The following SGCD variants were observed in gnomAD, a reference collection of about 807,000 sequenced individuals.
The protein encoded by SGCD is sarcoglycan delta, also known as delta-sarcoglycan.
A neutral mutation model predicts 36.6 loss-of-function variants in SGCD; 18 were observed. That is an observed-to-expected ratio of 0.49 (90% CI 0.34 to 0.73). The LOEUF (loss-of-function observed/expected upper bound fraction) is 0.73, where lower values mean the gene tolerates loss of function less well. Ranked by LOEUF, SGCD falls within the 30% of genes least tolerant of loss-of-function variation. The probability of loss-of-function intolerance (pLI) is 0.01; values close to 1 mark genes in which losing one functional copy is unlikely to be tolerated. For synonymous variants in SGCD, 133 were observed against 130.6 expected (o/e 1.02, Z -0.12); for missense variants, 387 against 346.7 (o/e 1.12, Z -0.92).
At chr5:156,729,258 G>A (rs912425363) in intron 7 of SGCD, among the ~76,000 whole-genome samples, 8 of 152,130 alleles carry the variant, frequency 5.3e-5, no homozygotes, top group East Asian at 1.9e-4. Context: ...AATTACATGC[G>A]AAGCTTTCCT....
intron 3 of SGCD, among the ~76,000 whole-genome samples, chr5:156,204,468 A>G (rs1249722005): frequency 9.3e-6 from 1 of 107,862 alleles, no homozygotes; most frequent in Non-Finnish European, 1.9e-5. Flanking sequence ...TAGCCAACAC[A>G]CTCATACACA....
chr5:156,409,502 C>T (rs1471173882), intron 3 of SGCD, among the ~76,000 whole-genome samples: 2 of 152,224 alleles, frequency 1.3e-5, no homozygotes, highest in Non-Finnish European at 2.9e-5. Context: ...AATCCCCGGG[C>T]CCGGCTGGGC....
chr5:155,733,611 G>T, the SGCD span, among the ~76,000 whole-genome samples: 2 of 150,970 alleles, frequency 1.3e-5, no homozygotes, highest in Non-Finnish European at 3.0e-5. Context: ...ATTTTTAAAG[G>T]GCTTCATTAA....
At chr5:156,536,573 TC>T (rs1272236658) in intron 4 of SGCD, among the ~76,000 whole-genome samples, 2 of 151,020 alleles carry the variant, frequency 1.3e-5, no homozygotes, top group Admixed American at 1.3e-4. Flanking sequence ...TCATCACTGA[TC>T]CTTTAAGCTT....
chr5:155,844,502 G>A, the SGCD span, among the ~76,000 whole-genome samples: 3 of 150,628 alleles, frequency 2.0e-5, no homozygotes, highest in Non-Finnish European at 2.9e-5. Context: ...GGTGACTCAG[G>A]GATATTAGAA....
At chr5:155,774,386 CTTG>C in the SGCD span, among the ~76,000 whole-genome samples, 2 of 152,116 alleles carry the variant, frequency 1.3e-5, no homozygotes, top group Non-Finnish European at 2.9e-5. Flanking sequence ...TCCCTTTGTC[CTTG>C]TTGTGGTTTC....
chr5:156,634,117 C>T (rs554847121), intron 6 of SGCD, among the ~76,000 whole-genome samples: 1 of 152,318 alleles, frequency 6.6e-6, no homozygotes, highest in African/African-American at 2.4e-5. Flanking sequence ...TCTCTCCTCT[C>T]TTCCCCACAG....
intron 3 of SGCD, among the ~76,000 whole-genome samples, chr5:156,185,988 T>C (rs913796312): frequency 2.0e-5 from 3 of 148,956 alleles, no homozygotes; most frequent in Non-Finnish European, 4.5e-5. Flanking sequence ...AGATCTGTGA[T>C]CGGAATAACG....
At chr5:156,040,131 C>A (rs1178283858) in intron 1 of SGCD, among the ~76,000 whole-genome samples, 7 of 152,164 alleles carry the variant, frequency 4.6e-5, no homozygotes, top group African/African-American at 1.7e-4. Context: ...GAGGTAAGCG[C>A]TGTATAAATA....
At chr5:156,016,108 G>A (rs1176818674) in intron 1 of SGCD, among the ~76,000 whole-genome samples, 2 of 152,002 alleles carry the variant, frequency 1.3e-5, no homozygotes, top group Non-Finnish European at 2.9e-5. Flanking sequence ...CCCAACATCA[G>A]CACATTTACT....
intron 4 of SGCD, among the ~76,000 whole-genome samples, chr5:156,525,081 TG>T (rs1339693643): frequency 6.6e-6 from 1 of 152,134 alleles, no homozygotes; most frequent in Admixed American, 6.6e-5. Context: ...CTGTTGGATA[TG>T]TACCCAGAAG....
At chr5:156,633,406 A>G (rs964155316) in intron 6 of SGCD, among the ~76,000 whole-genome samples, 4 of 152,172 alleles carry the variant, frequency 2.6e-5, no homozygotes, top group African/African-American at 7.2e-5. Context: ...TTCTTGATGA[A>G]GAGATTGATG....
At position 156,657,231 on chromosome 5, in the gene SGCD, C is replaced by T. The variant is rs190446269; in HGVS notation, c.575+9695C>T. Among the ~76,000 whole-genome samples the T allele has an allele frequency of 3.8e-3, 558 of 148,574 alleles. 7 individuals are homozygous for T. Among genetic ancestry groups the T allele is most frequent in the African/African-American group, 0.012 (484 of 40,514 alleles). On this transcript the variant is annotated intron_variant, in intron 7 of 8. Transcript: ENST00000337851. ...ATAAATAGTCTGACTTTTTTTTTTT[C>T]CTCTCTCTTTTATTTTATTTTATTA...
chr5:155,979,980 C>A (rs144118597), intron 1 of SGCD, among the ~76,000 whole-genome samples: 1 of 152,060 alleles, frequency 6.6e-6, no homozygotes, highest in East Asian at 1.9e-4. Context: ...GAGGGTTCCA[C>A]CTTCATGACC....
the SGCD span, among the ~76,000 whole-genome samples, chr5:155,734,167 A>G: frequency 6.8e-5 from 10 of 147,498 alleles, no homozygotes; most frequent in Non-Finnish European, 1.3e-4. Context: ...CTGTTATTAT[A>G]TTAATTAATA....
chr5:156,101,784 T>C (rs1761521964), intron 1 of SGCD, among the ~76,000 whole-genome samples: 1 of 152,144 alleles, frequency 6.6e-6, no homozygotes. Context: ...AGATAGAAAA[T>C]GTAATGGATA....
intron 7 of SGCD, among the ~76,000 whole-genome samples, chr5:156,681,890 G>A (rs1343093460): frequency 1.3e-5 from 2 of 152,198 alleles, no homozygotes; most frequent in African/African-American, 4.8e-5. Context: ...TCTAAAAATG[G>A]TTTATGTCAA....
chr5:156,520,860 A>G (rs1321688839), intron 4 of SGCD, among the ~76,000 whole-genome samples: 1 of 152,016 alleles, frequency 6.6e-6, no homozygotes, highest in Non-Finnish European at 1.5e-5. Flanking sequence ...TACTAAAAAT[A>G]CAAAAAAATA....
At position 156,086,222 on chromosome 5, in the gene SGCD, T is replaced by A. The variant is rs148474114; in HGVS notation, c.-281-31656T>A. 2.5e-3 allele frequency among the ~76,000 whole-genome samples: 388 copies of A among 152,368 alleles called. 2 individuals are homozygous for A. The highest frequency in any genetic ancestry group is 3.9e-3 in the Non-Finnish European group (263 of 68,038). On this transcript the variant is annotated intron_variant, in intron 1 of 9. Transcript: ENST00000517913. ...TTTTAAAAAATAATCAAATATGATG[T>A]ATACAATTTTGGGAAAAGGATAGTC...
Sources: gnomAD v4.1 joint callset for allele counts (sites outside exome capture counted in the v4.1 genomes callset) on GRCh38, gnomAD v4.1.1 for gene constraint, MANE v1.5 for transcripts, NCBI Gene and HGNC (gene_info 2026-07-23, HGNC 2026-07-21) for gene names.